Variants in WFDC1 observed in about 807,000 individuals in gnomAD.
The protein encoded by WFDC1 is WAP four-disulfide core domain 1.
A neutral mutation model predicts 32.9 loss-of-function variants in WFDC1; 39 were observed. That is an observed-to-expected ratio of 1.19 (90% CI 0.92 to 1.55). The LOEUF (loss-of-function observed/expected upper bound fraction) is 1.55. Among genes scored for constraint, WFDC1 ranks in the 40% most tolerant of loss-of-function variants. The pLI is 0.00. For missense variants in WFDC1, 386 were observed against 309.5 expected (o/e 1.25, Z -1.85); for synonymous variants, 184 against 137.4 (o/e 1.34, Z -2.37).
intron 1 of WFDC1, among the ~76,000 whole-genome samples, chr16:84,306,631 C>T (rs931192499): frequency 2.6e-5 from 4 of 152,190 alleles, no homozygotes; most frequent in African/African-American, 9.7e-5. Flanking sequence ...AGGGCTGCCC[C>T]CACACCTGTG....
intron 4 of WFDC1, 68 bp downstream of exon 4, chr16:84,319,639 C>T (rs1374404564): frequency 3.8e-6 from 6 of 1,568,466 alleles, no homozygotes; most frequent in Middle Eastern, 2.0e-4. Flanking sequence ...AAGCGCCTCT[C>T]ACCCGCATGG....
intron 2 of WFDC1, chr16:84,317,776 A>C (rs1042935696): frequency 1.2e-5 from 2 of 163,140 alleles, no homozygotes; most frequent in Admixed American, 5.7e-5. Flanking sequence ...AAATACAGGG[A>C]CCCAACCTGT....
chr16:84,313,601 G>A (rs544279225), intron 2 of WFDC1, among the ~76,000 whole-genome samples: 1 of 152,316 alleles, frequency 6.6e-6, no homozygotes, highest in South Asian at 2.1e-4. Context: ...TGGAACCTCA[G>A]GTGCCCCTGG....
At chr16:84,300,254 T>C (rs1446003777) in intron 1 of WFDC1, among the ~76,000 whole-genome samples, 1 of 152,220 alleles carries the variant, frequency 6.6e-6, no homozygotes, top group Non-Finnish European at 1.5e-5. Context: ...GTAACACCTG[T>C]AGGAGCAAAT....
At chr16:84,298,906 C>A (rs937413929) in intron 1 of WFDC1, among the ~76,000 whole-genome samples, 3 of 152,178 alleles carry the variant, frequency 2.0e-5, no homozygotes, top group Admixed American at 1.3e-4. Flanking sequence ...TCAGGAGTTT[C>A]CTTCTCCTAT....
chr16:84,295,291 C>T (rs1042632017), intron 1 of WFDC1, 176 bp downstream of exon 1: 1 of 696,874 alleles, frequency 1.4e-6, no homozygotes, highest in African/African-American at 1.8e-5. Flanking sequence ...GGGCTCACCC[C>T]CAAAAAAGGA....
Position 84,313,056 on chromosome 16 carries a change from CGCGCGCTGTCAGGCG to C in WFDC1, c.242_256del (p.Ala81_Ala85del). 1.8e-5 allele frequency: 25 copies of C among 1,395,442 alleles called. No individual in the cohort carries two copies. The highest frequency in any genetic ancestry group is 2.3e-5 in the Non-Finnish European group (25 of 1,076,380). 86.4% of individuals were successfully genotyped at this position (1,395,442 alleles called of 1,614,324 possible). ...CGCTGCCCCCCGGCGCCTGCCAGGC[CGCGCGCTGTCAGGCG>C]GACTCCGAGTGCCCGCGGCACCGGC... On this transcript the variant is annotated inframe_deletion, in exon 2 of 7. Transcript: ENST00000219454.
At chr16:84,304,448 G>A (rs1041009278) in intron 1 of WFDC1, among the ~76,000 whole-genome samples, 25 of 152,096 alleles carry the variant, frequency 1.6e-4, no homozygotes, top group African/African-American at 3.1e-4. Context: ...GGCTGGTCTC[G>A]AACTCCTGAC....
At chr16:84,324,061 A>G (rs576463013) in intron 4 of WFDC1, among the ~76,000 whole-genome samples, 76 of 152,278 alleles carry the variant, frequency 5.0e-4, no homozygotes, top group Non-Finnish European at 8.4e-4. Flanking sequence ...CAGAGGTTAC[A>G]GTGAGCTGAG....
chr16:84,307,993 C>A (rs1290346079), intron 1 of WFDC1, among the ~76,000 whole-genome samples: 3 of 152,194 alleles, frequency 2.0e-5, no homozygotes, highest in African/African-American at 7.2e-5. Flanking sequence ...AAACCATTCA[C>A]CTCCTTAAGG....
At chr16:84,295,810 C>G (rs1906562345) in intron 1 of WFDC1, 1 of 152,476 alleles carries the variant, frequency 6.6e-6, no homozygotes, top group East Asian at 1.9e-4. Flanking sequence ...CGTCTCTGAA[C>G]CCCAGCAATC....
chr16:84,302,223 C>G (rs1262336822), intron 1 of WFDC1, among the ~76,000 whole-genome samples: 1 of 151,958 alleles, frequency 6.6e-6, no homozygotes, highest in African/African-American at 2.4e-5. Flanking sequence ...GAATAGGGGG[C>G]AGCTGTCTGA....
At chr16:84,312,795 C>T (rs1244264859) in intron 1 of WFDC1, among the ~76,000 whole-genome samples, 166 bp from the exon 2 acceptor site, 2 of 152,170 alleles carry the variant, frequency 1.3e-5, no homozygotes, top group Admixed American at 6.5e-5. Flanking sequence ...ATCTTCTGAC[C>T]TTCTGAGCCG....
intron 1 of WFDC1, among the ~76,000 whole-genome samples, chr16:84,306,720 AG>A (rs144070258): frequency 0.017 from 2,566 of 152,294 alleles, 72 homozygotes; most frequent in African/African-American, 0.058. Context: ...AGCACTTAGA[AG>A]GGTGCCCAGC....
rs535589640 is a variant in WFDC1 at position 84,302,909 on chromosome 16, G to A, written c.144+7794G>A. Reference sequence around the variant, plus strand: ...TGAATCAATTATGTTAAAACCTTCCGGAACAGAATAGAAGGGATGGAAAGT... The same window carrying A: ...TGAATCAATTATGTTAAAACCTTCCAGAACAGAATAGAAGGGATGGAAAGT... On this transcript the variant is annotated intron_variant, in intron 1 of 6. Transcript: ENST00000219454. 7.2e-5 allele frequency among the ~76,000 whole-genome samples: 11 copies of A among 152,206 alleles called. No individual in the cohort carries two copies. In the South Asian group the frequency reaches 1.7e-3, roughly 23 times the overall value.
rs150805856 is a variant in WFDC1, at chr16:84,304,989, C to T, written c.145-7972C>T. 2.0e-3 allele frequency among the ~76,000 whole-genome samples: 300 copies of T among 152,314 alleles called. 2 individuals carry two copies. Among genetic ancestry groups the T allele is most frequent in the African/African-American group, 6.4e-3 (264 of 41,568 alleles). On this transcript the variant is annotated intron_variant, in intron 1 of 6. Transcript: ENST00000219454. ...CAGTTCCAGGCTCCTGGGTCAGGAA[C>T]GCCCATGGAGTAGGACAGACCCAGG...
At chr16:84,309,836 C>A (rs1004544429) in intron 1 of WFDC1, among the ~76,000 whole-genome samples, 2 of 141,224 alleles carry the variant, frequency 1.4e-5, no homozygotes, top group Non-Finnish European at 3.0e-5. Flanking sequence ...TGTGTGCGTG[C>A]GTGTGTACAT....
intron 1 of WFDC1, among the ~76,000 whole-genome samples, chr16:84,312,522 A>T (rs1907690659): frequency 6.6e-6 from 1 of 152,194 alleles, no homozygotes; most frequent in Non-Finnish European, 1.5e-5. Flanking sequence ...AAAGCTCTAT[A>T]TAAACATGGA....
chr16:84,318,654 C>G (rs1908106001), intron 3 of WFDC1: 1 of 316,614 alleles, frequency 3.2e-6, no homozygotes, highest in African/African-American at 2.1e-5. Context: ...TCCTAGAATT[C>G]TAGGGGGTTC....
Sources: allele counts gnomAD v4.1 joint callset (sites outside exome capture counted in the v4.1 genomes callset), GRCh38; gene constraint gnomAD v4.1.1; transcripts MANE v1.5; gene names NCBI Gene and HGNC (gene_info 2026-07-23, HGNC 2026-07-21).